Variants in NBEA observed in about 807,000 individuals in gnomAD.
NBEA encodes neurobeachin.
In NBEA, 44 loss-of-function variants were observed where a neutral mutation model predicts 343.4. The ratio of observed to expected loss-of-function variants is 0.13; its 90% confidence interval spans 0.10 to 0.16. The LOEUF (loss-of-function observed/expected upper bound fraction) is 0.16, where lower values mean the gene tolerates loss of function less well. Ranked by LOEUF, NBEA falls within the 10% of genes least tolerant of loss-of-function variation. The pLI is 1.00. For synonymous variants in NBEA, 1,175 were observed against 1,238.7 expected, an observed-to-expected ratio of 0.95 and a Z score of 1.08; for missense variants, 2,555 against 3,631.3, an observed-to-expected ratio of 0.70 and a Z score of 7.62.
chr13:35,247,926 A>T (rs556683919), intron 34 of NBEA, among the ~76,000 whole-genome samples: 22 of 152,226 alleles, frequency 1.4e-4, no homozygotes, highest in Non-Finnish European at 2.9e-4. Flanking sequence ...AAGAGTAGGC[A>T]TTATAACCAA....
chr13:34,989,872 T>C (rs558296096), intron 1 of NBEA, among the ~76,000 whole-genome samples: 1 of 151,034 alleles, frequency 6.6e-6, no homozygotes, highest in Non-Finnish European at 1.5e-5. Context: ...CTACAGGCAT[T>C]GGGCAAATGT....
chr13:35,160,081 AGTT>A, intron 22 of NBEA, 49 bp downstream of exon 22: 7 of 1,436,420 alleles, frequency 4.9e-6, no homozygotes, highest in Non-Finnish European at 6.4e-6. Context: ...TGCATTGAAG[AGTT>A]GTTAGCACCA....
intron 35 of NBEA, among the ~76,000 whole-genome samples, chr13:35,308,408 A>G (rs2037043944): frequency 7.0e-6 from 1 of 143,836 alleles, no homozygotes. Context: ...TGGAAGGGAT[A>G]TAATTTTCAA....
chr13:35,060,675 C>CCATGACAG (rs1285563111), intron 8 of NBEA, among the ~76,000 whole-genome samples: 1 of 151,224 alleles, frequency 6.6e-6, no homozygotes. Context: ...ACAGTTGCTA[C>CCATGACAG]CATGACAGGC....
chr13:35,097,081 CTA>C (rs1283148100), intron 10 of NBEA, among the ~76,000 whole-genome samples: 1 of 151,732 alleles, frequency 6.6e-6, no homozygotes, highest in Non-Finnish European at 1.5e-5. Flanking sequence ...ATTCATTAAA[CTA>C]TGAATTTTTA....
chr13:35,080,464 G>A (rs1268218225), intron 10 of NBEA, among the ~76,000 whole-genome samples: 1 of 152,120 alleles, frequency 6.6e-6, no homozygotes, highest in African/African-American at 2.4e-5. Flanking sequence ...CAAAACCTCT[G>A]CCTTTAATTA....
intron 47 of NBEA, 120 bp from the exon 48 acceptor site, chr13:35,606,306 A>G: frequency 2.1e-6 from 1 of 469,772 alleles, no homozygotes; most frequent in Non-Finnish European, 3.4e-6. Context: ...ATTAATTCAT[A>G]AAATATTGGT....
At chr13:35,335,280 C>A (rs1158328232) in intron 36 of NBEA, among the ~76,000 whole-genome samples, 1 of 152,050 alleles carries the variant, frequency 6.6e-6, no homozygotes, top group Non-Finnish European at 1.5e-5. Flanking sequence ...AATGAGATTT[C>A]CCCAGTTTTG....
At chr13:35,138,085 G>A (rs956125632) in intron 17 of NBEA, among the ~76,000 whole-genome samples, 12 of 152,108 alleles carry the variant, frequency 7.9e-5, no homozygotes, top group African/African-American at 2.2e-4. Context: ...ACAGTATCAG[G>A]AAGTTCTTGG....
At chr13:35,601,259 G>A (rs1471145419) in intron 47 of NBEA, among the ~76,000 whole-genome samples, 1 of 151,746 alleles carries the variant, frequency 6.6e-6, no homozygotes, top group Non-Finnish European at 1.5e-5. Context: ...CTGAAATTTA[G>A]GATATGGTAA....
intron 39 of NBEA, among the ~76,000 whole-genome samples, chr13:35,445,808 ATATATATATG>A (rs2045994445): frequency 7.2e-6 from 1 of 138,170 alleles, no homozygotes. Context: ...ATATATATAT[ATATATATATG>A]TATATATATA....
chr13:35,266,958 A>C (rs2033734958), intron 34 of NBEA, among the ~76,000 whole-genome samples: 1 of 151,966 alleles, frequency 6.6e-6, no homozygotes, highest in African/African-American at 2.4e-5. Context: ...TTTATATGTT[A>C]ATATGTACTG....
intron 10 of NBEA, among the ~76,000 whole-genome samples, chr13:35,072,582 T>C (rs1262697449): frequency 6.6e-6 from 1 of 151,990 alleles, no homozygotes. Flanking sequence ...TTATTTGAGA[T>C]GGAGTCTTAC....
chr13:35,505,920 C>T (rs1172722905), intron 41 of NBEA, among the ~76,000 whole-genome samples: 1 of 152,100 alleles, frequency 6.6e-6, no homozygotes, highest in Non-Finnish European at 1.5e-5. Context: ...TATAAAAACA[C>T]CATTTACTTT....
chr13:35,096,956 AG>A (rs2065366405), intron 10 of NBEA, among the ~76,000 whole-genome samples: 1 of 151,890 alleles, frequency 6.6e-6, no homozygotes, highest in Non-Finnish European at 1.5e-5. Context: ...GATTTGTGAT[AG>A]TTTACTTTTT....
intron 34 of NBEA, among the ~76,000 whole-genome samples, chr13:35,274,273 T>C: frequency 6.6e-6 from 1 of 152,198 alleles, no homozygotes; most frequent in Non-Finnish European, 1.5e-5. Context: ...CACATGGTTA[T>C]CTCAATAGAT....
intron 17 of NBEA, 68 bp downstream of exon 17, chr13:35,123,642 A>T (rs566348952): frequency 1.0e-6 from 1 of 969,208 alleles, no homozygotes; most frequent in African/African-American, 1.7e-5. Context: ...TGAGTTTTCT[A>T]TGTAATGTAG....
chr13:35,304,169 A>G (rs2036730638), intron 35 of NBEA, among the ~76,000 whole-genome samples: 1 of 152,160 alleles, frequency 6.6e-6, no homozygotes, highest in Non-Finnish European at 1.5e-5. Flanking sequence ...GACTTCTGCC[A>G]CCCTCTCTTC....
intron 48 of NBEA, among the ~76,000 whole-genome samples, chr13:35,615,536 G>A (rs985273273): frequency 1.3e-5 from 2 of 151,890 alleles, no homozygotes; most frequent in Non-Finnish European, 2.9e-5. Flanking sequence ...ATAGAGACAG[G>A]GTCTCACCAT....
Sources: gnomAD v4.1 joint callset for allele counts (sites outside exome capture counted in the v4.1 genomes callset) on GRCh38, gnomAD v4.1.1 for gene constraint, MANE v1.5 for transcripts, NCBI Gene and HGNC (gene_info 2026-07-23, HGNC 2026-07-21) for gene names.